MTFR1: variants seen among roughly 807,000 people sequenced by gnomAD.
MTFR1 encodes mitochondrial fission regulator 1.
MTFR1 carries 28 observed loss-of-function variants against 38.8 expected under a neutral mutation model. That is an observed-to-expected ratio of 0.72 (90% CI 0.53 to 0.99). The LOEUF is 0.99. Among genes scored for constraint, MTFR1 ranks in the 50% least tolerant of loss-of-function variants. MTFR1 has a pLI of 0.00. For synonymous variants in MTFR1, 145 were observed against 137.0 expected (o/e 1.06, Z -0.41); for missense variants, 358 against 395.5 (o/e 0.91, Z 0.81).
intron 4 of MTFR1, among the ~76,000 whole-genome samples, chr8:65,695,354 T>TTTTTG (rs1554550364): frequency 6.6e-6 from 1 of 152,016 alleles, no homozygotes; most frequent in African/African-American, 2.4e-5. Flanking sequence ...ACAATTTTTT[T>TTTTTG]TTTTGTTTTG....
intron 1 of MTFR1, among the ~76,000 whole-genome samples, chr8:65,659,443 T>C (rs1364478159): frequency 4.0e-5 from 6 of 149,098 alleles, no homozygotes; most frequent in African/African-American, 9.8e-5. Context: ...TTTTTTTTTT[T>C]CAATCCCTGA....
In MTFR1 at chr8:65,710,425, T is replaced by C. The variant is rs1805910675; in HGVS notation, c.*1381T>C. On this transcript the variant is annotated 3_prime_UTR_variant, in exon 8 of 8. Transcript: ENST00000262146. ...TGGTTTAAAATTCTCTTTAACAAAATTCAGAAAATTCACCTGAAACGTATT... is the reference window on the plus strand; with the variant it reads ...TGGTTTAAAATTCTCTTTAACAAAACTCAGAAAATTCACCTGAAACGTATT... The C allele has an allele frequency of 6.6e-6, 1 of 152,612 alleles. No individual in the cohort carries two copies. Among genetic ancestry groups the C allele is most frequent in the Non-Finnish European group, 1.5e-5 (1 of 68,034 alleles). 9.5% of individuals were successfully genotyped at this position (152,612 alleles called of 1,614,324 possible).
intron 2 of MTFR1, among the ~76,000 whole-genome samples, chr8:65,677,408 G>A (rs1420985483): frequency 2.2e-4 from 28 of 127,244 alleles, no homozygotes; most frequent in African/African-American, 8.0e-4. Context: ...TTTTTGAGAC[G>A]GAGTCTTGCT....
At chr8:65,726,631 T>G (rs1304066692) in intron 3 of MTFR1, among the ~76,000 whole-genome samples, 1 of 152,192 alleles carries the variant, frequency 6.6e-6, no homozygotes, top group African/African-American at 2.4e-5. Flanking sequence ...TGTATTTGAG[T>G]AAATTTTATA....
At chr8:65,756,821 G>A (rs1442924971) in intron 3 of MTFR1, among the ~76,000 whole-genome samples, 1 of 151,152 alleles carries the variant, frequency 6.6e-6, no homozygotes, top group South Asian at 2.1e-4. Context: ...GTATTTTTTT[G>A]TTGGAAACTG....
intron 3 of MTFR1, among the ~76,000 whole-genome samples, chr8:65,685,237 TG>T (rs1306047004): frequency 6.6e-6 from 1 of 152,140 alleles, no homozygotes; most frequent in East Asian, 1.9e-4. Context: ...GAGTCCAATG[TG>T]GGTAAATATT....
chr8:65,750,473 ACT>A, intron 3 of MTFR1, among the ~76,000 whole-genome samples: 1 of 80,414 alleles, frequency 1.2e-5, no homozygotes, highest in East Asian at 2.7e-4. Context: ...AATTAGAATC[ACT>A]GTGTGTGTGT....
chr8:65,654,697 C>T (rs1200045516), intron 1 of MTFR1, among the ~76,000 whole-genome samples: 1 of 152,122 alleles, frequency 6.6e-6, no homozygotes, highest in Non-Finnish European at 1.5e-5. Flanking sequence ...TCTGCCTCAG[C>T]CTCCTGAGTA....
intron 2 of MTFR1, among the ~76,000 whole-genome samples, chr8:65,675,423 A>G (rs939711525): frequency 6.6e-6 from 1 of 152,082 alleles, no homozygotes; most frequent in African/African-American, 2.4e-5. Context: ...GTGAAACCCC[A>G]TCTCTACTAA....
chr8:65,683,238 TCTC>T lies in MTFR1; in HGVS notation c.165+790_165+792del, dbSNP rs534326346. Among the ~76,000 whole-genome samples, 475 of 151,604 alleles carry T rather than the reference TCTC, an allele frequency of 3.1e-3. 1 individual carries two copies. The highest frequency in any genetic ancestry group is 5.0e-3 in the Non-Finnish European group (338 of 67,896). ...TCTCTGCCTCCTAGGTTCAAGCACTTCTCCTGCCTCAGCCTTCCAAGTAGCTGG... is the reference window on the plus strand; with the variant it reads ...TCTCTGCCTCCTAGGTTCAAGCACTTCTGCCTCAGCCTTCCAAGTAGCTGG... On this transcript the variant is annotated intron_variant, in intron 3 of 7. Transcript: ENST00000262146.
At chr8:65,758,917 A>G (rs1421377564) in intron 3 of MTFR1, among the ~76,000 whole-genome samples, 16 of 152,148 alleles carry the variant, frequency 1.1e-4, no homozygotes, top group Non-Finnish European at 4.4e-5. Flanking sequence ...CGTTCCTACC[A>G]TGGAATCTGT....
intron 1 of MTFR1, among the ~76,000 whole-genome samples, chr8:65,668,753 A>G (rs908322996): frequency 1.3e-5 from 2 of 151,966 alleles, no homozygotes; most frequent in Admixed American, 6.6e-5. Context: ...ACCTCAAGCA[A>G]TCCGCCTCCC....
At chr8:65,727,947 A>C (rs895377853) in intron 3 of MTFR1, 1 of 152,242 alleles carries the variant, frequency 6.6e-6, no homozygotes, top group Non-Finnish European at 1.5e-5. Context: ...ATCATTACCA[A>C]ACTTATTTAA....
chr8:65,714,043 GAAC>G, downstream of MTFR1, among the ~76,000 whole-genome samples: 1 of 151,054 alleles, frequency 6.6e-6, no homozygotes, highest in East Asian at 1.9e-4. Context: ...ATCATTACCC[GAAC>G]AAAACCCTAC....
intron 2 of MTFR1, chr8:65,679,768 A>G (rs1804821798): frequency 6.6e-6 from 1 of 152,160 alleles, no homozygotes; most frequent in African/African-American, 2.4e-5. Flanking sequence ...TTCTCTAGTC[A>G]GATGTTTTCC....
chr8:65,704,729 A>T lies in MTFR1; in HGVS notation c.317A>T (p.Asp106Val), dbSNP rs1013086054. The change falls in exon 5 of 8, where the codon GAC becomes GTC. Residue 106 changes from aspartate to valine, a missense_variant. Transcript: ENST00000262146. ...AGATCAAGGCCACCCCTTCAGGATGACCTTCTTTTCTTTGAGAAGGCCCCA... is the reference window on the plus strand; with the variant it reads ...AGATCAAGGCCACCCCTTCAGGATGTCCTTCTTTTCTTTGAGAAGGCCCCA... ...EVRSRPPLQD[D>V]LLFFEKAPSR... The T allele has an allele frequency of 1.2e-6, 2 of 1,614,010 alleles. No homozygotes were observed. Among genetic ancestry groups the T allele is most frequent in the South Asian group, 1.1e-5 (1 of 91,070 alleles).
At chr8:65,676,913 A>C (rs1804723836) in intron 2 of MTFR1, among the ~76,000 whole-genome samples, 1 of 152,134 alleles carries the variant, frequency 6.6e-6, no homozygotes, top group Non-Finnish European at 1.5e-5. Flanking sequence ...CCTTGCTGTC[A>C]TCACTTTCAA....
At chr8:65,734,815 G>A in intron 3 of MTFR1, 2 of 1,605,092 alleles carry the variant, frequency 1.2e-6, no homozygotes, top group South Asian at 1.1e-5. Context: ...TTAAGTAACA[G>A]TGCATGGCCT....
chr8:65,653,605 G>C (rs923865386), intron 1 of MTFR1, among the ~76,000 whole-genome samples: 1 of 152,190 alleles, frequency 6.6e-6, no homozygotes, highest in African/African-American at 2.4e-5. Flanking sequence ...AACCAAGTAT[G>C]AAGGTTTGAA....
Sources: gnomAD v4.1 joint callset for allele counts (sites outside exome capture counted in the v4.1 genomes callset) on GRCh38, gnomAD v4.1.1 for gene constraint, MANE v1.5 for transcripts, NCBI Gene and HGNC (gene_info 2026-07-23, HGNC 2026-07-21) for gene names.